ALKBH1: variants seen among roughly 807,000 people sequenced by gnomAD.
ALKBH1 encodes the protein alkB homolog 1, histone H2A dioxygenase, also known as nucleic acid dioxygenase ALKBH1.
A neutral mutation model predicts 36.6 loss-of-function variants in ALKBH1; 31 were observed. The observed-to-expected ratio is 0.85, with a 90% CI of 0.64 to 1.14. The LOEUF (loss-of-function observed/expected upper bound fraction) is 1.14. Ranked by LOEUF, ALKBH1 falls within the 50% of genes most tolerant of loss-of-function variation. ALKBH1 has a pLI of 0.00. For synonymous variants in ALKBH1, 183 were observed against 186.6 expected (o/e 0.98, Z 0.16); for missense variants, 490 against 497.3 (o/e 0.99, Z 0.14).
intron 4 of ALKBH1, among the ~76,000 whole-genome samples, chr14:77,677,250 G>A (rs1203326763): frequency 6.6e-6 from 1 of 151,922 alleles, no homozygotes; most frequent in Non-Finnish European, 1.5e-5. Context: ...ATGTTGGCCA[G>A]GGTGGTCTTG....
intron 3 of ALKBH1, among the ~76,000 whole-genome samples, chr14:77,689,294 C>T (rs2080285364): frequency 6.6e-6 from 1 of 152,192 alleles, no homozygotes; most frequent in Non-Finnish European, 1.5e-5. Context: ...TTCAAGTATA[C>T]ATGCTTTGGT....
rs1041756231 is a variant in ALKBH1, at chr14:77,675,637, A to G, written c.740+19T>C. On this transcript the variant is annotated intron_variant, in intron 5 of 5. Transcript: ENST00000216489. ...ATTAAATGATAAAAAGTAATCCCAA[A>G]TCCCTGGAACTAACTCACCTGAATG... The G allele has an allele frequency of 6.3e-7, 1 of 1,576,570 alleles. No individual in the cohort carries two copies. Among genetic ancestry groups the G allele is most frequent in the African/African-American group, 1.3e-5 (1 of 74,322 alleles).
At chr14:77,692,880 G>T (rs541047807) in intron 3 of ALKBH1, among the ~76,000 whole-genome samples, 1 of 149,860 alleles carries the variant, frequency 6.7e-6, no homozygotes, top group East Asian at 1.9e-4. Flanking sequence ...AGGACTACAG[G>T]CACACACCAC....
At chr14:77,704,749 T>A (rs769722527) in intron 1 of ALKBH1, among the ~76,000 whole-genome samples, 1 of 152,122 alleles carries the variant, frequency 6.6e-6, no homozygotes, top group African/African-American at 2.4e-5. Flanking sequence ...AAGCAAGGAG[T>A]ATTAACTCTG....
intron 2 of ALKBH1, chr14:77,696,863 T>C (rs2080330152): frequency 6.5e-6 from 1 of 152,722 alleles, no homozygotes; most frequent in Non-Finnish European, 1.5e-5. Flanking sequence ...TACTAAGATA[T>C]TCAGGTATGC....
chr14:77,690,581 T>A (rs2080291689), intron 3 of ALKBH1, among the ~76,000 whole-genome samples: 1 of 152,134 alleles, frequency 6.6e-6, no homozygotes, highest in Non-Finnish European at 1.5e-5. Context: ...GCAGTTGTGA[T>A]GGAGATGGTG....
chr14:77,707,004 T>C (rs577979924), intron 1 of ALKBH1, among the ~76,000 whole-genome samples: 132 of 152,346 alleles, frequency 8.7e-4, no homozygotes, highest in African/African-American at 3.0e-3. Context: ...AAAATATAAA[T>C]TGGACTACAG....
intron 3 of ALKBH1, among the ~76,000 whole-genome samples, chr14:77,688,267 G>C (rs2080279152): frequency 6.8e-6 from 1 of 146,738 alleles, no homozygotes; most frequent in Admixed American, 6.8e-5. Flanking sequence ...TTTTGAGACA[G>C]AGTCTCAATT....
intron 4 of ALKBH1, 101 bp from the exon 5 acceptor site, chr14:77,675,950 G>T: frequency 3.1e-6 from 3 of 972,962 alleles, no homozygotes; most frequent in Non-Finnish European, 4.6e-6. Context: ...TACTTACAAA[G>T]TCATATTAAC....
intron 2 of ALKBH1, among the ~76,000 whole-genome samples, chr14:77,698,670 T>C (rs554060220): frequency 2.6e-5 from 4 of 152,384 alleles, no homozygotes; most frequent in African/African-American, 9.6e-5. Context: ...CAGTTCCTGG[T>C]TGAACTCCAG....
intron 1 of ALKBH1, among the ~76,000 whole-genome samples, chr14:77,705,413 A>G (rs1013030921): frequency 0.18 from 2,132 of 12,020 alleles, 39 homozygotes; most frequent in Middle Eastern, 0.32. Context: ...CCGTCTAAGA[A>G]AAAAAAAAAA....
At chr14:77,702,791 C>T (rs1473604551) in intron 2 of ALKBH1, among the ~76,000 whole-genome samples, 1 of 151,750 alleles carries the variant, frequency 6.6e-6, no homozygotes, top group African/African-American at 2.4e-5. Context: ...GCACCCCAAG[C>T]AATCCTCCTA....
intron 2 of ALKBH1, among the ~76,000 whole-genome samples, chr14:77,702,524 C>G (rs2080365093): frequency 6.6e-6 from 1 of 152,002 alleles, no homozygotes; most frequent in Non-Finnish European, 1.5e-5. Context: ...ACTAACATTT[C>G]TTTTTAAAGA....
chr14:77,688,995 T>C (rs147984987), intron 3 of ALKBH1, among the ~76,000 whole-genome samples: 75 of 152,344 alleles, frequency 4.9e-4, no homozygotes, highest in South Asian at 1.2e-3. Context: ...CCACTGTTAA[T>C]AGGACAAAGT....
chr14:77,703,614 T>TTTTTTG (rs2080372129), intron 2 of ALKBH1, among the ~76,000 whole-genome samples: 4 of 140,348 alleles, frequency 2.9e-5, no homozygotes, highest in East Asian at 2.0e-4. Context: ...TTTTTTTTTT[T>TTTTTTG]GAGACAGAGT....
chr14:77,696,576 G>C (rs1044699171), intron 2 of ALKBH1: 1 of 152,576 alleles, frequency 6.6e-6, no homozygotes, highest in African/African-American at 2.4e-5. Flanking sequence ...CTGGCTGAGA[G>C]CATAGGCCTG....
intron 1 of ALKBH1, 85 bp downstream of exon 1, chr14:77,707,737 T>C: frequency 6.8e-7 from 1 of 1,464,402 alleles, no homozygotes; most frequent in Non-Finnish European, 9.2e-7. Flanking sequence ...GGTCTGGAGG[T>C]GAAAAGAGGC....
intron 5 of ALKBH1, among the ~76,000 whole-genome samples, 163 bp from the exon 6 acceptor site, chr14:77,674,404 T>G (rs1220770808): frequency 2.0e-5 from 3 of 152,254 alleles, no homozygotes; most frequent in Non-Finnish European, 4.4e-5. Flanking sequence ...CCTTCTCTTC[T>G]GGTTTGTGTC....
intron 4 of ALKBH1, among the ~76,000 whole-genome samples, chr14:77,678,233 G>A (rs8003389): frequency 0.34 from 51,042 of 151,984 alleles, 9,868 homozygotes; most frequent in East Asian, 0.5. Context: ...TATCATTACC[G>A]GAGGAAGGAT....
Sources: allele counts gnomAD v4.1 joint callset (sites outside exome capture counted in the v4.1 genomes callset), GRCh38; gene constraint gnomAD v4.1.1; transcripts MANE v1.5; gene names NCBI Gene and HGNC (gene_info 2026-07-23, HGNC 2026-07-21).